MITD1: variants seen among roughly 807,000 people sequenced by gnomAD.
MITD1 encodes the protein MIT domain-containing protein 1.
In MITD1, 24 loss-of-function variants were observed where a neutral mutation model predicts 34.9. That is an observed-to-expected ratio of 0.69 (90% CI 0.50 to 0.97). MITD1 has a LOEUF of 0.97. MITD1 is among the 50% of genes least tolerant of loss of function. MITD1 has a pLI of 0.00. For missense variants in MITD1, 266 were observed against 294.6 expected, an observed-to-expected ratio of 0.90 and a Z score of 0.71; for synonymous variants, 102 against 101.4, an observed-to-expected ratio of 1.01 and a Z score of -0.04.
At chr2:99,165,061 C>CACACACACACACACACACACACAT, downstream of MITD1, among the ~76,000 whole-genome samples, 1 of 135,282 alleles carries the variant, frequency 7.4e-6, no homozygotes, top group East Asian at 2.2e-4. Flanking sequence ...CACACACACA[C>CACACACACACACACACACACACAT]ATATATATAT....
chr2:99,169,118 C>G (rs1381219442), downstream of MITD1: 1 of 263,144 alleles, frequency 3.8e-6, no homozygotes, highest in Non-Finnish European at 7.2e-6. Context: ...TATTTGTTGA[C>G]ATGCTCCCGC....
Position 99,180,920 on chromosome 2 carries a change from C to G in MITD1, c.62G>C (p.Arg21Pro), listed in dbSNP as rs201079117. Residue 21 changes from arginine (R) to proline (P), a missense_variant, in exon 1 of 7, where the codon CGG (arginine) becomes CCG (proline). Transcript: ENST00000289359. The stretch of plus-strand genomic sequence containing the variant: ...CGACTCCGAATCTAGTTCTACTGCC[C>G]GCTTTAGCACAGTGGCTGCAGCTGT... ...QSTAAATVLK[R>P]AVELDSESRY... 6.2e-7 allele frequency: 1 copy of G among 1,614,062 alleles called. No individual in the cohort carries two copies. Among genetic ancestry groups the G allele is most frequent in the Non-Finnish European group, 8.5e-7 (1 of 1,180,040 alleles).
At chr2:99,171,823 A>G (rs1002740298) in intron 2 of MITD1, 177 bp from the exon 3 acceptor site, 3 of 610,940 alleles carry the variant, frequency 4.9e-6, no homozygotes, top group Admixed American at 3.2e-5. Flanking sequence ...TACACGTACA[A>G]AGGTATTTAA....
At chr2:99,161,873 A>T (rs1025928758), downstream of MITD1, 2 of 1,257,016 alleles carry the variant, frequency 1.6e-6, no homozygotes, top group African/African-American at 3.0e-5. Context: ...TTTGGATTAA[A>T]TAACCGATAA....
At position 99,171,570 on chromosome 2, in the gene MITD1, GTATT is replaced by G; in HGVS notation, c.326_329del (p.Glu109AlafsTer11). ...AAACTTCTGTAACTGTCTCATTAAG[GTATT>G]CGCGAAAAAGTGACTCATAACTGAA... On this transcript the variant is annotated frameshift_variant, in exon 3 of 7. Coordinates refer to ENST00000289359, the MANE Select transcript of MITD1 (RefSeq NM_138798.3). LOFTEE classifies it high-confidence loss of function. 1.2e-6 allele frequency: 2 copies of G among 1,612,256 alleles called. No individual in the cohort carries two copies. Among genetic ancestry groups the G allele is most frequent in the Non-Finnish European group, 1.7e-6 (2 of 1,178,634 alleles).
At chr2:99,163,997 A>G (rs749266342) in intron 7 of MITD1, among the ~76,000 whole-genome samples, 9 of 152,012 alleles carry the variant, frequency 5.9e-5, no homozygotes, top group Non-Finnish European at 1.0e-4. Flanking sequence ...TTGACCTTCT[A>G]CCATAGCCAC....
chr2:99,170,747 A>G (rs2093851635), intron 4 of MITD1, 95 bp from the exon 5 acceptor site: 2 of 591,790 alleles, frequency 3.4e-6, no homozygotes, highest in African/African-American at 3.7e-5. Flanking sequence ...GTGGATTAAG[A>G]TGGAAATGTT....
chr2:99,176,732 A>T (rs1231205235), intron 1 of MITD1, among the ~76,000 whole-genome samples: 8 of 152,010 alleles, frequency 5.3e-5, no homozygotes, highest in Non-Finnish European at 1.2e-4. Flanking sequence ...GTGTTAGTGT[A>T]TTTTACATGT....
At chr2:99,176,095 TA>T (rs1475113604) in intron 1 of MITD1, among the ~76,000 whole-genome samples, 2 of 151,996 alleles carry the variant, frequency 1.3e-5, no homozygotes, top group Non-Finnish European at 2.9e-5. Flanking sequence ...CACACATTAC[TA>T]TGCCTGGCTA....
exon 8 of MITD1, chr2:99,161,952 A>G (rs2093796541): frequency 6.4e-7 from 1 of 1,562,408 alleles, no homozygotes; most frequent in Non-Finnish European, 8.7e-7. Context: ...TTCCATTTTT[A>G]AAAGCATGCT....
intron 7 of MITD1, chr2:99,162,369 A>G: frequency 6.2e-7 from 1 of 1,614,024 alleles, no homozygotes; most frequent in Middle Eastern, 1.6e-4. Flanking sequence ...GAGAGCTCTG[A>G]ATGCTGTCCA....
In MITD1 at chr2:99,170,524, A is replaced by G; in HGVS notation, c.593+13T>C. ...TCAACTGCATAAAAATTAAAACATT[A>G]TTGTAGACTAACCTAATTTCTCGGT... On this transcript the variant is annotated intron_variant, in intron 5 of 6. Transcript: ENST00000289359. 7.9e-7 allele frequency: 1 copy of G among 1,259,380 alleles called. No homozygotes were observed. The highest frequency in any genetic ancestry group is 1.1e-6 in the Non-Finnish European group (1 of 876,916). The allele number at this position is 1,259,380 out of a possible 1,614,324, so 78.0% of individuals were successfully genotyped here. A position where few individuals can be genotyped will look rare whatever the true frequency, so the allele number is the denominator to read the frequency against.
chr2:99,168,798 G>T (rs2093838800), downstream of MITD1, among the ~76,000 whole-genome samples: 1 of 150,754 alleles, frequency 6.6e-6, no homozygotes, highest in Non-Finnish European at 1.5e-5. Flanking sequence ...TTTTTCTTTT[G>T]AGACAGGGTC....
chr2:99,170,657 T>C lies in MITD1; in HGVS notation c.478-5A>G, dbSNP rs375774566. 2,795 of 1,431,614 alleles carry C rather than the reference T, an allele frequency of 2.0e-3. 3 individuals are homozygous for C. The highest frequency in any genetic ancestry group is 2.5e-3 in the Non-Finnish European group (2,494 of 1,016,184). The allele number at this position is 1,431,614 out of a possible 1,614,324, so 88.7% of individuals were successfully genotyped here. On this transcript the variant is annotated splice_polypyrimidine_tract_variant and splice_region_variant and intron_variant, in intron 4 of 6. Transcript: ENST00000289359. Reference sequence around the variant, plus strand: ...TTGCTGCACTTGCTCAATGCCCTGTTAATAGCAAAAATACGATTATCTGCC... The same window carrying C: ...TTGCTGCACTTGCTCAATGCCCTGTCAATAGCAAAAATACGATTATCTGCC...
chr2:99,178,049 C>T (rs886196889), intron 1 of MITD1, among the ~76,000 whole-genome samples: 8 of 152,176 alleles, frequency 5.3e-5, no homozygotes, highest in African/African-American at 1.4e-4. Flanking sequence ...GAACAGTACT[C>T]TACTGTATAT....
downstream of MITD1, among the ~76,000 whole-genome samples, chr2:99,167,702 G>A (rs1405184785): frequency 2.6e-5 from 4 of 152,150 alleles, no homozygotes; most frequent in South Asian, 8.3e-4. Flanking sequence ...GGCAAGATAA[G>A]CAAAGATACT....
At chr2:99,168,978 T>TTTTTTG (rs70940146), downstream of MITD1, among the ~76,000 whole-genome samples, 26 of 103,066 alleles carry the variant, frequency 2.5e-4, 1 homozygote, top group East Asian at 3.6e-4. Flanking sequence ...TTTTTTTTTT[T>TTTTTTG]CTGATACAGG....
chr2:99,172,297 AGAATCACTT>A (rs1444234332), intron 2 of MITD1: 1 of 152,010 alleles, frequency 6.6e-6, no homozygotes, highest in African/African-American at 2.4e-5. Context: ...CTGAGGCAGG[AGAATCACTT>A]GAACCCAGGT....
intron 2 of MITD1, chr2:99,173,572 TGTA>T: frequency 2.1e-6 from 1 of 465,402 alleles, no homozygotes; most frequent in Non-Finnish European, 4.4e-6. Flanking sequence ...CAGTATTCCC[TGTA>T]GTATTTCTTA....
Sources: allele counts gnomAD v4.1 joint callset (sites outside exome capture counted in the v4.1 genomes callset), GRCh38; gene constraint gnomAD v4.1.1; transcripts MANE v1.5; gene names NCBI Gene and HGNC (gene_info 2026-07-23, HGNC 2026-07-21).